LDLRAD4: variants seen among roughly 807,000 people sequenced by gnomAD.
LDLRAD4 encodes low-density lipoprotein receptor class A domain-containing protein 4.
LDLRAD4 carries 5 observed loss-of-function variants against 17.0 expected under a neutral mutation model. That is an observed-to-expected ratio of 0.29 (90% CI 0.15 to 0.62). LDLRAD4 has a LOEUF of 0.62. LDLRAD4 is among the 20% of genes least tolerant of loss of function. The probability of loss-of-function intolerance (pLI) is 0.84; values close to 1 mark genes in which losing one functional copy is unlikely to be tolerated. For missense variants in LDLRAD4, 340 were observed against 424.7 expected (o/e 0.80, Z 1.75); for synonymous variants, 168 against 171.8 (o/e 0.98, Z 0.17).
At chr18:13,510,037 C>T (rs925853669) in intron 3 of LDLRAD4, among the ~76,000 whole-genome samples, 1 of 152,140 alleles carries the variant, frequency 6.6e-6, no homozygotes, top group Non-Finnish European at 1.5e-5. Context: ...ACTGGGAAGC[C>T]GAAATATCTG....
chr18:13,574,632 GC>G (rs1294157687), intron 3 of LDLRAD4, among the ~76,000 whole-genome samples: 1 of 152,196 alleles, frequency 6.6e-6, no homozygotes, highest in Non-Finnish European at 1.5e-5. Flanking sequence ...CGCTCATGGA[GC>G]CCTGGCATTG....
upstream of LDLRAD4, among the ~76,000 whole-genome samples, chr18:13,218,367 C>T (rs936397044): frequency 6.6e-6 from 1 of 152,152 alleles, no homozygotes; most frequent in Non-Finnish European, 1.5e-5. Flanking sequence ...GGGACTTCGC[C>T]GACCCCCACC....
intron 1 of LDLRAD4, among the ~76,000 whole-genome samples, chr18:13,285,391 G>A (rs1168553496): frequency 6.6e-6 from 1 of 152,208 alleles, no homozygotes; most frequent in African/African-American, 2.4e-5. Flanking sequence ...GGCAGAGGGT[G>A]ACATGGACAG....
intron 2 of LDLRAD4, among the ~76,000 whole-genome samples, chr18:13,393,027 T>C (rs1293747382): frequency 6.6e-6 from 1 of 152,114 alleles, no homozygotes; most frequent in Non-Finnish European, 1.5e-5. Flanking sequence ...GGGCTCCGAG[T>C]GAAGGATGTA....
At chr18:13,318,357 G>T (rs1330884457) in intron 1 of LDLRAD4, among the ~76,000 whole-genome samples, 11 of 152,080 alleles carry the variant, frequency 7.2e-5, no homozygotes, top group Non-Finnish European at 4.4e-5. Context: ...CGCCTCCCGA[G>T]TTCAAGCGAT....
intron 2 of LDLRAD4, among the ~76,000 whole-genome samples, chr18:13,401,338 A>G (rs2087168294): frequency 6.7e-6 from 1 of 150,322 alleles, no homozygotes; most frequent in African/African-American, 2.5e-5. Flanking sequence ...TATTTAATAC[A>G]TTTATATTGT....
intron 2 of LDLRAD4, 49 bp downstream of exon 3, chr18:13,387,811 C>T (rs763950538): frequency 1.3e-6 from 2 of 1,534,624 alleles, no homozygotes; most frequent in Non-Finnish European, 1.8e-6. Flanking sequence ...TCCTGGGAGG[C>T]AATAAACTCC....
At chr18:13,570,943 T>C (rs1245085405) in intron 3 of LDLRAD4, among the ~76,000 whole-genome samples, 8 of 152,144 alleles carry the variant, frequency 5.3e-5, no homozygotes, top group Non-Finnish European at 7.4e-5. Flanking sequence ...CTCAGCTTCT[T>C]GAGTAGCTGG....
chr18:13,307,355 G>C (rs2046975670), intron 1 of LDLRAD4, among the ~76,000 whole-genome samples: 1 of 151,956 alleles, frequency 6.6e-6, no homozygotes, highest in Non-Finnish European at 1.5e-5. Context: ...CTTTATGATG[G>C]TTCACTTCCA....
At chr18:13,283,829 A>G (rs888962458) in intron 1 of LDLRAD4, among the ~76,000 whole-genome samples, 6 of 152,196 alleles carry the variant, frequency 3.9e-5, no homozygotes, top group African/African-American at 1.4e-4. Flanking sequence ...TGGGAAGAAA[A>G]TAGGTTTAAT....
At chr18:13,296,784 C>T (rs1446510383) in intron 1 of LDLRAD4, among the ~76,000 whole-genome samples, 1 of 152,204 alleles carries the variant, frequency 6.6e-6, no homozygotes, top group Non-Finnish European at 1.5e-5. Context: ...ACTATTTTCA[C>T]ACAACCACAT....
At chr18:13,583,851 G>A (rs550310887) in intron 3 of LDLRAD4, among the ~76,000 whole-genome samples, 17 of 152,266 alleles carry the variant, frequency 1.1e-4, no homozygotes, top group Non-Finnish European at 2.1e-4. Flanking sequence ...AGGGCTTAAT[G>A]AATGTCAGGC....
chr18:13,262,765 C>T (rs371092489), intron 1 of LDLRAD4, among the ~76,000 whole-genome samples: 7 of 60,722 alleles, frequency 1.2e-4, no homozygotes, highest in African/African-American at 3.2e-4. Context: ...CGGCCCTGTG[C>T]GTGGGGGCTG....
At chr18:13,377,464 G>A (rs1198140726) in intron 1 of LDLRAD4, among the ~76,000 whole-genome samples, 1 of 152,116 alleles carries the variant, frequency 6.6e-6, no homozygotes, top group African/African-American at 2.4e-5. Flanking sequence ...CCAGGTGGTT[G>A]TACAACCCAT....
Position 13,517,143 on chromosome 18 carries a change from A to ACCTGG in LDLRAD4, c.181+78766_181+78770dup, listed in dbSNP as rs1255800938. ...CAGGATTACAGATGTGAGCCACTGC[A>ACCTGG]CCTGGCCTGGCATCTCTTTTAAAAA... On this transcript the variant is annotated intron_variant, in intron 3 of 5. Coordinates refer to ENST00000359446, the Ensembl canonical transcript of LDLRAD4. 2.0e-5 allele frequency among the ~76,000 whole-genome samples: 3 copies of ACCTGG among 152,166 alleles called. No homozygotes were observed. In the East Asian group the frequency reaches 5.8e-4, roughly 29 times the overall value.
chr18:13,623,697 A>C (rs2040861354), intron 4 of LDLRAD4, among the ~76,000 whole-genome samples: 1 of 152,204 alleles, frequency 6.6e-6, no homozygotes, highest in South Asian at 2.1e-4. Context: ...GCAGCTGATG[A>C]GGAAGAAACC....
chr18:13,338,402 A>G (rs528173731), intron 1 of LDLRAD4, among the ~76,000 whole-genome samples: 1 of 129,004 alleles, frequency 7.8e-6, no homozygotes, highest in Non-Finnish European at 1.6e-5. Context: ...TTCCTGAAAC[A>G]GAGAGATCCG....
intron 3 of LDLRAD4, among the ~76,000 whole-genome samples, chr18:13,608,158 GAAA>G (rs34472703): frequency 2.0e-5 from 3 of 147,434 alleles, no homozygotes; most frequent in Non-Finnish European, 4.5e-5. Flanking sequence ...ACAAACATAT[GAAA>G]AAAAAAAAAA....
At chr18:13,498,899 A>T (rs1365779663) in intron 3 of LDLRAD4, among the ~76,000 whole-genome samples, 1 of 149,722 alleles carries the variant, frequency 6.7e-6, no homozygotes, top group African/African-American at 2.5e-5. Flanking sequence ...GACACTGGAG[A>T]ATCCTTCTCG....
Sources: gnomAD v4.1 joint callset for allele counts (sites outside exome capture counted in the v4.1 genomes callset) on GRCh38, gnomAD v4.1.1 for gene constraint, MANE v1.5 for transcripts, NCBI Gene and HGNC (gene_info 2026-07-23, HGNC 2026-07-21) for gene names.